Variants in BCLAF3 observed in about 807,000 individuals in gnomAD.
BCLAF3 encodes the protein BCLAF1 and THRAP3 family member 3, also known as transient octamer binding factor 1.
Under a neutral mutation model 51.2 loss-of-function variants are expected in BCLAF3, and 24 were observed. The observed-to-expected ratio is 0.47, with a 90% CI of 0.34 to 0.66. The LOEUF (loss-of-function observed/expected upper bound fraction) is 0.66. BCLAF3 is among the 30% of genes least tolerant of loss of function. BCLAF3 has a pLI of 0.01. For missense variants in BCLAF3, 465 were observed against 525.1 expected, an observed-to-expected ratio of 0.89 and a Z score of 1.12; for synonymous variants, 152 against 176.6, an observed-to-expected ratio of 0.86 and a Z score of 1.10.
chrX:19,968,781 T>A (rs1239678301), intron 2 of BCLAF3, among the ~76,000 whole-genome samples: 1 of 112,876 alleles, frequency 8.9e-6, no homozygotes, highest in Non-Finnish European at 1.9e-5. Flanking sequence ...TGGCAGGGTC[T>A]CTTGTGCCCC....
chrX:19,959,671 G>A (rs1036539899), intron 4 of BCLAF3, among the ~76,000 whole-genome samples: 2 of 109,913 alleles, frequency 1.8e-5, no homozygotes, highest in African/African-American at 6.6e-5. Flanking sequence ...CCAGCTACTC[G>A]AGAGGCTAAG....
intron 8 of BCLAF3, among the ~76,000 whole-genome samples, chrX:19,939,706 T>C (rs2070925935): frequency 8.9e-6 from 1 of 112,072 alleles, no homozygotes; most frequent in Non-Finnish European, 1.9e-5. Flanking sequence ...AGTACAGCCA[T>C]ACAATGGAAT....
chrX:19,967,201 T>C (rs1436244271), intron 2 of BCLAF3, among the ~76,000 whole-genome samples: 1 of 111,673 alleles, frequency 9.0e-6, no homozygotes, highest in Non-Finnish European at 1.9e-5. Context: ...CTCCAGCTGA[T>C]TGTCTACTTT....
intron 4 of BCLAF3, among the ~76,000 whole-genome samples, chrX:19,963,574 T>G (rs1046576552): frequency 8.9e-6 from 1 of 111,941 alleles, no homozygotes; most frequent in Non-Finnish European, 1.9e-5. Flanking sequence ...ATTCCCCCCC[T>G]TTATTTCTTG....
rs186681203 is a variant in BCLAF3, at chrX:19,956,294, A to G, written c.1275-728T>C. Among the ~76,000 whole-genome samples the G allele has an allele frequency of 9.3e-3, 1,039 of 111,854 alleles. 11 individuals are homozygous for G. The highest frequency in any genetic ancestry group is 0.031 in the African/African-American group (955 of 30,768). The stretch of plus-strand genomic sequence containing the variant: ...CTCCTGACCTCTAAGTACTTTTACA[A>G]ACTAATGGTTATGATACAGAGCTAA... On this transcript the variant is annotated intron_variant, in intron 4 of 11. Coordinates refer to ENST00000379682, the MANE Select transcript of BCLAF3 (RefSeq NM_001367774.2).
In BCLAF3 at chrX:19,965,692, C is replaced by T. The variant is rs201628092; in HGVS notation, c.626G>A (p.Arg209His). 6 of 1,133,009 alleles carry T rather than the reference C, an allele frequency of 5.3e-6. No individual in the cohort carries two copies. The highest frequency in any genetic ancestry group is 2.3e-5 in the South Asian group (1 of 43,749). 93.4% of individuals were successfully genotyped at this position (1,133,009 alleles called of 1,213,427 possible). Residue 209 changes from arginine (R) to histidine (H), a missense_variant, in exon 4 of 12, where the codon CGT (arginine) becomes CAT (histidine). Coordinates refer to ENST00000379682, the MANE Select transcript of BCLAF3 (RefSeq NM_001367774.2). Reference protein sequence around the residue: ...SSFQKRYPEDRDFRKYGHTSK... With the variant: ...SSFQKRYPEDHDFRKYGHTSK... ...TGTGTGTCCATATTTTCTGAAATCACGATCCTCAGGATACCTGTGTTGACA... is the reference window on the plus strand; with the variant it reads ...TGTGTGTCCATATTTTCTGAAATCATGATCCTCAGGATACCTGTGTTGACA...
chrX:19,921,869 A>C (rs1021351363), intron 11 of BCLAF3, among the ~76,000 whole-genome samples: 3 of 107,136 alleles, frequency 2.8e-5, no homozygotes, highest in South Asian at 4.2e-4. Context: ...TGGGCATGGT[A>C]GTGGGTGCCT....
chrX:19,955,886 T>A (rs1485962673), intron 4 of BCLAF3, among the ~76,000 whole-genome samples: 1 of 111,847 alleles, frequency 8.9e-6, no homozygotes, highest in East Asian at 2.8e-4. Flanking sequence ...AGTAATCGAT[T>A]AGATTATTTT....
intron 1 of BCLAF3, among the ~76,000 whole-genome samples, chrX:19,984,785 AAGTG>A (rs977352621): frequency 3.3e-4 from 37 of 110,492 alleles, no homozygotes; most frequent in African/African-American, 1.1e-3. Flanking sequence ...TCCCAGGTTC[AAGTG>A]ATTCTCCTGC....
At chrX:19,975,262 G>T (rs181098911) in intron 1 of BCLAF3, among the ~76,000 whole-genome samples, 2 of 109,159 alleles carry the variant, frequency 1.8e-5, no homozygotes, top group Non-Finnish European at 3.8e-5. Context: ...AAAAGAAGAA[G>T]AATATGTGAC....
chrX:19,922,099 G>A (rs1238394049), intron 11 of BCLAF3, among the ~76,000 whole-genome samples: 5 of 110,984 alleles, frequency 4.5e-5, no homozygotes, highest in East Asian at 2.8e-4. Context: ...ACCATAGGCC[G>A]GGAATGGTGG....
intron 10 of BCLAF3, among the ~76,000 whole-genome samples, chrX:19,931,588 A>T (rs927556317): frequency 8.9e-6 from 1 of 112,318 alleles, no homozygotes; most frequent in African/African-American, 3.2e-5. Context: ...GAAACTTTTA[A>T]CAAGACCAGT....
chrX:19,931,632 C>T (rs1308671150), intron 10 of BCLAF3, among the ~76,000 whole-genome samples: 2 of 111,897 alleles, frequency 1.8e-5, no homozygotes, highest in Non-Finnish European at 1.9e-5. Flanking sequence ...GATCTAATTC[C>T]AAGAAGTAGA....
intron 4 of BCLAF3, among the ~76,000 whole-genome samples, chrX:19,957,506 G>A (rs188603443): frequency 1.8e-5 from 2 of 111,680 alleles, no homozygotes; most frequent in African/African-American, 6.5e-5. Context: ...GTTTTTTTCT[G>A]GCAGCCTCAG....
chrX:19,938,491 G>A (rs2070865257), intron 8 of BCLAF3, among the ~76,000 whole-genome samples: 1 of 112,192 alleles, frequency 8.9e-6, no homozygotes, highest in Non-Finnish European at 1.9e-5. Flanking sequence ...CACCTCCTGA[G>A]TTCAACTGAT....
Position 19,929,797 on chromosome X carries a change from C to T in BCLAF3, c.2094G>A (p.Met698Ile), listed in dbSNP as rs1468715944. ...TAATTCAACTAACCTTCTTTTTTCT[C>T]ATTAATCTTTCTCTGAACTTATGAG... The part of the protein sequence containing the change: ...FITHKFRERL[M>I]RKKKEYTDVA... Residue 698 changes from methionine (M) to isoleucine (I), a missense_variant, in exon 11 of 12, where the codon ATG becomes ATA. Met to Ile is a conservative substitution (Grantham distance 10). Transcript: ENST00000379682. 8.4e-7 allele frequency: 1 copy of T among 1,194,544 alleles called. No individual in the cohort carries two copies. Among genetic ancestry groups the T allele is most frequent in the Non-Finnish European group, 1.1e-6 (1 of 889,673 alleles).
intron 11 of BCLAF3, among the ~76,000 whole-genome samples, chrX:19,922,355 C>T (rs184092906): frequency 6.3e-5 from 7 of 111,139 alleles, no homozygotes; most frequent in African/African-American, 1.6e-4. Flanking sequence ...TTTCTCAGCA[C>T]TTATATCTAT....
chrX:19,965,523 C>T lies in BCLAF3; in HGVS notation c.795G>A (p.Glu265=), dbSNP rs776732865. 1.7e-6 allele frequency: 2 copies of T among 1,203,622 alleles called. No homozygotes were observed. The highest frequency in any genetic ancestry group is 2.2e-6 in the Non-Finnish European group (2 of 892,626). Residue 265 remains glutamate, a synonymous_variant, in exon 4 of 12, where the codon GAG becomes GAA. Transcript: ENST00000379682. ...NLGPQTYRHA[E]REHPETSSAT... is the part of the protein sequence containing the mutation. ...CTGAACTGGTCTCTGGGTGTTCCCT[C>T]TCAGCATGTCGATAAGTTTGGGGCC...
In BCLAF3 at chrX:19,929,876, T is replaced by C. The variant is rs373927242; in HGVS notation, c.2015A>G (p.Tyr672Cys). 6.4e-5 allele frequency: 78 copies of C among 1,209,377 alleles called. No homozygotes were observed. Among genetic ancestry groups the C allele is most frequent in the Admixed American group, 1.3e-4 (6 of 45,658 alleles). Reference sequence around the variant, plus strand: ...TAAACGCTGATACTTAGCCTGAATGTACAAGCTCTTCTGTACCAGGCCTGA... The same window carrying C: ...TAAACGCTGATACTTAGCCTGAATGCACAAGCTCTTCTGTACCAGGCCTGA... ...YKSGLVQKSL[Y>C]IQAKYQRLRF... Residue 672 changes from tyrosine (Y) to cysteine (C), a missense_variant, in exon 11 of 12, where the codon TAC becomes TGC. By Grantham distance (194) the Tyr-to-Cys change is radical. Transcript: ENST00000379682.
Sources: allele counts gnomAD v4.1 joint callset (sites outside exome capture counted in the v4.1 genomes callset), GRCh38; gene constraint gnomAD v4.1.1; transcripts MANE v1.5; gene names NCBI Gene and HGNC (gene_info 2026-07-23, HGNC 2026-07-21).